Variants in TOMM70 observed in about 807,000 individuals in gnomAD.
TOMM70 encodes the protein translocase of outer mitochondrial membrane 70.
TOMM70 carries 13 observed loss-of-function variants against 73.6 expected under a neutral mutation model. That is an observed-to-expected ratio of 0.18 (90% CI 0.11 to 0.28). The LOEUF is 0.28. Ranked by LOEUF, TOMM70 falls within the 10% of genes least tolerant of loss-of-function variation. The pLI is 1.00. For synonymous variants in TOMM70, 257 were observed against 271.2 expected (o/e 0.95, Z 0.51); for missense variants, 609 against 747.5 (o/e 0.81, Z 2.16).
At chr3:100,400,538 T>TG in intron 1 of TOMM70, 88 bp downstream of exon 1, 21 of 1,463,266 alleles carry the variant, frequency 1.4e-5, no homozygotes, top group Non-Finnish European at 2.0e-5. Flanking sequence ...AGCTTCCGTC[T>TG]GATGGGAAGC....
intron 1 of TOMM70, among the ~76,000 whole-genome samples, chr3:100,391,165 A>G (rs1706756539): frequency 6.6e-6 from 1 of 152,218 alleles, no homozygotes. Context: ...AGCAAATACA[A>G]TAATGTATAG....
At position 100,375,059 on chromosome 3, in the gene TOMM70, T is replaced by C. The variant is rs767798979; in HGVS notation, c.1186A>G (p.Ile396Val). 5 of 1,609,292 alleles carry C rather than the reference T, an allele frequency of 3.1e-6. 1 individual carries two copies. Among genetic ancestry groups the C allele is most frequent in the South Asian group, 2.2e-5 (2 of 89,882 alleles). Residue 396 changes from isoleucine (I) to valine (V), a missense_variant, in exon 7 of 12, where the codon ATC (isoleucine) becomes GTC (valine). Coordinates refer to ENST00000284320, the MANE Select transcript of TOMM70 (RefSeq NM_014820.5). ...STQDFNMAAD[I>V]DPQNADVYHH... is the part of the protein sequence containing the mutation. ...TAAACATCTGCATTCTGAGGATCGATGTCAGCAGCCATGTTAAAATCTTGA... is the reference window on the plus strand; with the variant it reads ...TAAACATCTGCATTCTGAGGATCGACGTCAGCAGCCATGTTAAAATCTTGA...
intron 5 of TOMM70, among the ~76,000 whole-genome samples, chr3:100,379,041 C>T (rs929076828): frequency 7.1e-6 from 1 of 139,988 alleles, no homozygotes. Flanking sequence ...AAATAAATAA[C>T]TGAACTTACT....
At chr3:100,391,376 T>C (rs193265087) in intron 1 of TOMM70, among the ~76,000 whole-genome samples, 10 of 152,282 alleles carry the variant, frequency 6.6e-5, no homozygotes, top group Non-Finnish European at 8.8e-5. Context: ...TCCATGCATG[T>C]TAATGCCCTT....
chr3:100,368,266 A>T (rs1407965964), intron 10 of TOMM70, 100 bp from the exon 11 acceptor site: 30 of 1,394,086 alleles, frequency 2.2e-5, no homozygotes, highest in Non-Finnish European at 2.9e-5. Context: ...TGAACTTATA[A>T]GTTAACTTAT....
At chr3:100,400,119 TTTTG>T (rs1248988945) in intron 1 of TOMM70, among the ~76,000 whole-genome samples, 3 of 152,138 alleles carry the variant, frequency 2.0e-5, no homozygotes, top group Admixed American at 6.5e-5. Context: ...ATCTAATCGT[TTTTG>T]TTTTTGTTTT....
intron 1 of TOMM70, among the ~76,000 whole-genome samples, chr3:100,391,337 G>A (rs1706759305): frequency 6.6e-6 from 1 of 152,098 alleles, no homozygotes; most frequent in Admixed American, 6.6e-5. Context: ...TACTCTAGAA[G>A]AAGGCTTCTT....
At chr3:100,381,370 G>A (rs1425057092) in intron 5 of TOMM70, among the ~76,000 whole-genome samples, 2 of 152,130 alleles carry the variant, frequency 1.3e-5, no homozygotes, top group African/African-American at 2.4e-5. Context: ...ATAGGACCTT[G>A]AGTAAAAGCA....
In TOMM70 at chr3:100,400,852, G is replaced by T; in HGVS notation, c.98C>A (p.Thr33Lys). ...CAGCTGCCATCGCGGCAGCCCCCCCGTGCCCGGGCCCGCAGTCCCGCCGCC... is the reference window on the plus strand; with the variant it reads ...CAGCTGCCATCGCGGCAGCCCCCCCTTGCCCGGGCCCGCAGTCCCGCCGCC... ...VGGGGTAGPG[T>K]GGLPRWQLAL... The change falls in exon 1 of 12, where the codon ACG (threonine) becomes AAG (lysine). Residue 33 changes from threonine (T) to lysine (K), a missense_variant. By Grantham distance (78) the Thr-to-Lys change is moderately conservative. Transcript: ENST00000284320. The T allele has an allele frequency of 6.6e-7, 1 of 1,524,234 alleles. No homozygotes were observed. The highest frequency in any genetic ancestry group is 8.7e-7 in the Non-Finnish European group (1 of 1,142,948). The allele number at this position is 1,524,234 out of a possible 1,614,324, so 94.4% of individuals were successfully genotyped here.
rs140983249 is a variant in TOMM70 at position 100,381,703 on chromosome 3, C to T, written c.796G>A (p.Asp266Asn). ...AGCATGGGCTGGGAAATGATATCAT[C>T]CGTGAAAGAACTGAAGTAAGATTTG... ...FIKSYFSSFT[D>N]DIISQPMLKG... Residue 266 changes from aspartate (D) to asparagine (N), a missense_variant, in exon 5 of 12, where the codon GAT becomes AAT. Physicochemically the swap from Asp to Asn is conservative, Grantham distance 23. Coordinates refer to ENST00000284320, the MANE Select transcript of TOMM70 (RefSeq NM_014820.5). 5 of 1,612,452 alleles carry T rather than the reference C, an allele frequency of 3.1e-6. No individual in the cohort carries two copies. In the African/African-American group the frequency reaches 5.3e-5, roughly 17 times the overall value.
chr3:100,371,108 A>G lies in TOMM70; in HGVS notation c.1452+1498T>C, dbSNP rs141583888. 3.9e-5 allele frequency among the ~76,000 whole-genome samples: 6 copies of G among 152,184 alleles called. No homozygotes were observed. The East Asian group carries it at 1.2e-3, about 29-fold the overall frequency. On this transcript the variant is annotated intron_variant, in intron 9 of 11. Coordinates refer to ENST00000284320, the MANE Select transcript of TOMM70 (RefSeq NM_014820.5). ...ACCTCTAAAGAACAGATCCAACACA[A>G]ATCAATTTTCTCATAGTTCCACCCT...
intron 9 of TOMM70, chr3:100,372,200 A>C (rs918329287): frequency 1.3e-5 from 2 of 155,430 alleles, no homozygotes; most frequent in African/African-American, 4.8e-5. Context: ...ATTTTAGATA[A>C]AGCAAAGATA....
intron 6 of TOMM70, 97 bp downstream of exon 6, chr3:100,377,608 A>G (rs766534048): frequency 5.1e-6 from 6 of 1,180,358 alleles, no homozygotes; most frequent in Non-Finnish European, 7.2e-6. Flanking sequence ...AGCCCTTTGA[A>G]GAATGGCAGT....
At chr3:100,399,250 G>A (rs1001575103) in intron 1 of TOMM70, among the ~76,000 whole-genome samples, 3 of 150,406 alleles carry the variant, frequency 2.0e-5, no homozygotes, top group Non-Finnish European at 4.4e-5. Context: ...CTGCACTCCA[G>A]CCTGGGCAAC....
chr3:100,373,825 C>T (rs1426605388), intron 7 of TOMM70, 180 bp from the exon 8 acceptor site: 2 of 478,098 alleles, frequency 4.2e-6, no homozygotes, highest in Non-Finnish European at 7.3e-6. Context: ...GATTCCAAAA[C>T]ATAAAAATGG....
At chr3:100,372,746 G>A in intron 8 of TOMM70, 24 bp from the exon 9 acceptor site, 1 of 1,572,900 alleles carries the variant, frequency 6.4e-7, no homozygotes. Flanking sequence ...AAACAGGCCT[G>A]TCAAATCAAG....
At chr3:100,387,150 C>G (rs1706701060) in intron 1 of TOMM70, among the ~76,000 whole-genome samples, 172 bp from the exon 2 acceptor site, 1 of 152,098 alleles carries the variant, frequency 6.6e-6, no homozygotes, top group Admixed American at 6.6e-5. Flanking sequence ...ATTGTTGAGT[C>G]AAAAAGCATA....
In TOMM70 at chr3:100,381,670, C is replaced by T; in HGVS notation, c.829G>A (p.Glu277Lys). The part of the protein sequence containing the change: ...DIISQPMLKG[E>K]KSDEDKDKEG... Reference sequence around the variant, plus strand: ...TTGTCTTTATCTTCATCAGATTTCTCTCCTTTAAGCATGGGCTGGGAAATG... The same window carrying T: ...TTGTCTTTATCTTCATCAGATTTCTTTCCTTTAAGCATGGGCTGGGAAATG... Residue 277 changes from glutamate (E) to lysine (K), a missense_variant, in exon 5 of 12, where the codon GAG becomes AAG. By Grantham distance (56) the Glu-to-Lys change is moderately conservative. Coordinates refer to ENST00000284320, the MANE Select transcript of TOMM70 (RefSeq NM_014820.5). 6.2e-7 allele frequency: 1 copy of T among 1,613,292 alleles called. No individual in the cohort carries two copies. Among genetic ancestry groups the T allele is most frequent in the Non-Finnish European group, 8.5e-7 (1 of 1,179,566 alleles).
At position 100,386,877 on chromosome 3, in the gene TOMM70, G is replaced by A. The variant is rs772988675; in HGVS notation, c.426C>T (p.Ser142=). Residue 142 remains serine, a synonymous_variant, in exon 2 of 12, where the codon AGC becomes AGT. Coordinates refer to ENST00000284320, the MANE Select transcript of TOMM70 (RefSeq NM_014820.5). The part of the protein sequence containing the change: ...QAIQCYTEAI[S]LCPTEKNVDL... ...CAACATTCTTCTCTGTAGGGCACAA[G>A]CTAATAGCCTCAGTATAGCACTGAA... 2.0e-5 allele frequency: 33 copies of A among 1,613,974 alleles called. No individual in the cohort carries two copies. The Admixed American group carries it at 5.5e-4, about 27-fold the overall frequency.
Sources: allele counts gnomAD v4.1 joint callset (sites outside exome capture counted in the v4.1 genomes callset), GRCh38; gene constraint gnomAD v4.1.1; transcripts MANE v1.5; gene names NCBI Gene and HGNC (gene_info 2026-07-23, HGNC 2026-07-21).